WWOX: variants seen among roughly 807,000 people sequenced by gnomAD.
WWOX encodes the protein WW domain containing oxidoreductase.
In WWOX, 69 loss-of-function variants were observed where a neutral mutation model predicts 46.2. The ratio of observed to expected loss-of-function variants is 1.49; its 90% CI spans 1.23 to 1.82. The LOEUF (loss-of-function observed/expected upper bound fraction) is 1.82. Ranked by LOEUF, WWOX falls within the 40% of genes most tolerant of loss-of-function variation. The pLI is 0.00. For missense variants in WWOX, 919 were observed against 542.6 expected (o/e 1.69, Z -6.89); for synonymous variants, 359 against 202.6 (o/e 1.77, Z -6.56).
chr16:78,617,200 C>T (rs1228435921), intron 8 of WWOX, among the ~76,000 whole-genome samples: 1 of 151,996 alleles, frequency 6.6e-6, no homozygotes, highest in Non-Finnish European at 1.5e-5. Context: ...TCACTTGAGC[C>T]CCGGAGTTGA....
At chr16:78,297,199 G>A (rs571007023) in intron 5 of WWOX, among the ~76,000 whole-genome samples, 1 of 152,240 alleles carries the variant, frequency 6.6e-6, no homozygotes, top group East Asian at 1.9e-4. Context: ...CATCCAGATT[G>A]TGTTTATTTT....
chr16:79,117,772 T>G (rs2049546903), intron 8 of WWOX, among the ~76,000 whole-genome samples: 1 of 152,236 alleles, frequency 6.6e-6, no homozygotes, highest in Non-Finnish European at 1.5e-5. Context: ...CTTTCTTCCT[T>G]AAACCTCATG....
chr16:78,695,553 T>C (rs146890879), intron 8 of WWOX, among the ~76,000 whole-genome samples: 1 of 152,298 alleles, frequency 6.6e-6, no homozygotes, highest in African/African-American at 2.4e-5. Flanking sequence ...GAGGCTATGG[T>C]CTGCCAAGGA....
At chr16:78,427,876 T>A (rs2083123597) in intron 7 of WWOX, among the ~76,000 whole-genome samples, 2 of 152,208 alleles carry the variant, frequency 1.3e-5, no homozygotes, top group South Asian at 2.1e-4. Context: ...GAGATCAGCC[T>A]AGCCAGCATG....
intron 8 of WWOX, among the ~76,000 whole-genome samples, chr16:78,876,836 C>T (rs182453877): frequency 6.6e-6 from 1 of 152,168 alleles, no homozygotes; most frequent in Non-Finnish European, 1.5e-5. Context: ...ATCTTAACAG[C>T]TTGGCAAACC....
intron 8 of WWOX, among the ~76,000 whole-genome samples, chr16:78,951,429 A>AATTG (rs2046057556): frequency 6.6e-6 from 1 of 152,020 alleles, no homozygotes; most frequent in Admixed American, 6.5e-5. Flanking sequence ...TTCTGTCTGG[A>AATTG]CCTGGAATAA....
intron 5 of WWOX, among the ~76,000 whole-genome samples, chr16:78,316,483 C>T (rs1043698796): frequency 2.0e-5 from 3 of 152,052 alleles, no homozygotes; most frequent in Non-Finnish European, 2.9e-5. Context: ...GCTGGGATTA[C>T]AGGTGCCTGC....
At chr16:78,222,044 A>G (rs1309190103) in intron 5 of WWOX, among the ~76,000 whole-genome samples, 1 of 152,198 alleles carries the variant, frequency 6.6e-6, no homozygotes. Context: ...GTGGGCTCCT[A>G]AAACATCCTG....
At chr16:78,577,692 A>C (rs1027551779) in intron 8 of WWOX, among the ~76,000 whole-genome samples, 7 of 152,162 alleles carry the variant, frequency 4.6e-5, no homozygotes, top group African/African-American at 1.4e-4. Flanking sequence ...ACAATTCCCC[A>C]ATTCATAGCT....
intron 5 of WWOX, among the ~76,000 whole-genome samples, chr16:78,365,567 T>C (rs1399592677): frequency 6.6e-6 from 1 of 152,200 alleles, no homozygotes; most frequent in Non-Finnish European, 1.5e-5. Flanking sequence ...AGTAGGATTC[T>C]GGAATTCCCT....
Position 78,586,539 on chromosome 16 carries a change from C to T in WWOX, c.1056+153787C>T, listed in dbSNP as rs16948134. 3.9e-3 allele frequency among the ~76,000 whole-genome samples: 598 copies of T among 152,284 alleles called. 1 individual carries two copies. Among genetic ancestry groups the T allele is most frequent in the African/African-American group, 0.013 (559 of 41,554 alleles). On this transcript the variant is annotated intron_variant, in intron 8 of 8. Transcript: ENST00000566780. Reference sequence around the variant, plus strand: ...TTGTCTAATTGAATTCTCCAACAACCTTGCAATACGCTTGTTATCTCCATT... The same window carrying T: ...TTGTCTAATTGAATTCTCCAACAACTTTGCAATACGCTTGTTATCTCCATT...
intron 1 of WWOX, among the ~76,000 whole-genome samples, chr16:78,107,408 A>T (rs1024467965): frequency 4.6e-5 from 7 of 152,248 alleles, no homozygotes; most frequent in African/African-American, 1.7e-4. Context: ...ATAACAGCTT[A>T]CATTTCTCAG....
chr16:78,512,234 T>A (rs1406642135), intron 8 of WWOX, among the ~76,000 whole-genome samples: 1 of 152,162 alleles, frequency 6.6e-6, no homozygotes, highest in Admixed American at 6.6e-5. Flanking sequence ...ACTCCCGATA[T>A]TTAATATTAT....
intron 8 of WWOX, among the ~76,000 whole-genome samples, chr16:78,883,121 C>A (rs541143108): frequency 6.6e-6 from 1 of 152,308 alleles, no homozygotes; most frequent in Non-Finnish European, 1.5e-5. Context: ...AAGAATTGAT[C>A]ACCTTTTGGA....
intron 5 of WWOX, among the ~76,000 whole-genome samples, chr16:78,222,945 C>G (rs2036939206): frequency 6.6e-6 from 1 of 152,158 alleles, no homozygotes; most frequent in African/African-American, 2.4e-5. Flanking sequence ...TGTCCCCTTC[C>G]TTTTGCTCAA....
chr16:78,131,801 G>C (rs1257114136), intron 4 of WWOX, among the ~76,000 whole-genome samples: 1 of 151,188 alleles, frequency 6.6e-6, no homozygotes, highest in African/African-American at 2.4e-5. Flanking sequence ...GGCCAGGACG[G>C]TGTTGAACTC....
chr16:78,319,523 A>G (rs1462321829), intron 5 of WWOX, among the ~76,000 whole-genome samples: 1 of 151,972 alleles, frequency 6.6e-6, no homozygotes, highest in Non-Finnish European at 1.5e-5. Context: ...TGGCCTCCCA[A>G]TCTGCTGAGA....
rs537417070 is a variant in WWOX at position 78,466,727 on chromosome 16, A to T, written c.1056+33975A>T. Reference sequence around the variant, plus strand: ...GCCAGGCTTGGCGCTGGGTTTCTGTAATCCCAGCTACTTAGGAGGCTGAGA... The same window carrying T: ...GCCAGGCTTGGCGCTGGGTTTCTGTTATCCCAGCTACTTAGGAGGCTGAGA... On this transcript the variant is annotated intron_variant, in intron 8 of 8. Coordinates refer to ENST00000566780, the MANE Select transcript of WWOX (RefSeq NM_016373.4). Among the ~76,000 whole-genome samples the T allele has an allele frequency of 4.6e-5, 7 of 152,288 alleles. No individual in the cohort carries two copies. In the East Asian group the frequency reaches 1.4e-3, roughly 30 times the overall value.
intron 4 of WWOX, among the ~76,000 whole-genome samples, chr16:78,161,619 T>A (rs1006744366): frequency 1.6e-4 from 25 of 152,116 alleles, no homozygotes; most frequent in African/African-American, 5.8e-4. Flanking sequence ...GCTATTTCTT[T>A]TTTAATTTTA....
Sources: gnomAD v4.1 joint callset for allele counts (sites outside exome capture counted in the v4.1 genomes callset) on GRCh38, gnomAD v4.1.1 for gene constraint, MANE v1.5 for transcripts, NCBI Gene and HGNC (gene_info 2026-07-23, HGNC 2026-07-21) for gene names.